The following NAALADL2 variants were observed in gnomAD, a reference collection of about 807,000 sequenced individuals.
NAALADL2 encodes the protein N-acetylated alpha-linked acidic dipeptidase like 2.
A neutral mutation model predicts 87.2 loss-of-function variants in NAALADL2; 76 were observed. The ratio of observed to expected loss-of-function variants is 0.87; its 90% CI spans 0.72 to 1.05. The LOEUF (loss-of-function observed/expected upper bound fraction) is 1.05, where lower values mean the gene tolerates loss of function less well. Ranked by LOEUF, NAALADL2 falls within the 50% of genes least tolerant of loss-of-function variation. The probability of loss-of-function intolerance (pLI) is 0.00; values close to 1 mark genes in which losing one functional copy is unlikely to be tolerated. For synonymous variants in NAALADL2, 354 were observed against 331.0 expected (o/e 1.07, Z -0.75); for missense variants, 1,089 against 945.8 (o/e 1.15, Z -1.99).
intron 2 of NAALADL2, among the ~76,000 whole-genome samples, chr3:174,692,422 A>AT (rs1728661195): frequency 1.3e-5 from 2 of 152,210 alleles, no homozygotes. Context: ...GATTTAGTAG[A>AT]TTTTTTAAAA....
At chr3:174,471,602 A>G (rs1716911547) in intron 1 of NAALADL2, among the ~76,000 whole-genome samples, 1 of 151,996 alleles carries the variant, frequency 6.6e-6, no homozygotes, top group Non-Finnish European at 1.5e-5. Context: ...ATTAATTGGT[A>G]TGCATAGTGG....
intron 2 of NAALADL2, among the ~76,000 whole-genome samples, chr3:175,162,342 TTG>T (rs1236691227): frequency 2.0e-5 from 3 of 152,134 alleles, no homozygotes; most frequent in African/African-American, 7.2e-5. Context: ...CTGCAATAGA[TTG>T]TGTTGTCTAC....
At chr3:175,556,899 C>G (rs1363676184) in intron 9 of NAALADL2, among the ~76,000 whole-genome samples, 1 of 152,170 alleles carries the variant, frequency 6.6e-6, no homozygotes, top group Non-Finnish European at 1.5e-5. Context: ...TCTTACTGCT[C>G]TCTGCACAGC....
At chr3:175,430,958 T>C (rs1717651640) in intron 5 of NAALADL2, among the ~76,000 whole-genome samples, 1 of 152,220 alleles carries the variant, frequency 6.6e-6, no homozygotes, top group South Asian at 2.1e-4. Flanking sequence ...TAGCATCTCA[T>C]TGATATTTTT....
chr3:174,666,900 T>C (rs1479888262), intron 2 of NAALADL2, among the ~76,000 whole-genome samples: 1 of 152,182 alleles, frequency 6.6e-6, no homozygotes, highest in Non-Finnish European at 1.5e-5. Context: ...TTTGACTATA[T>C]TGGGCAGTTT....
At chr3:175,127,960 T>C (rs1047413102) in intron 2 of NAALADL2, among the ~76,000 whole-genome samples, 6 of 152,206 alleles carry the variant, frequency 3.9e-5, no homozygotes, top group Non-Finnish European at 5.9e-5. Flanking sequence ...TTATAGTTCA[T>C]TGATTTCAAT....
chr3:175,750,830 C>A (rs187140290), intron 12 of NAALADL2, among the ~76,000 whole-genome samples: 1 of 152,094 alleles, frequency 6.6e-6, no homozygotes, highest in Non-Finnish European at 1.5e-5. Context: ...ACATTTCTAA[C>A]TAGATCAGGA....
At chr3:174,571,135 G>T (rs1714866610) in intron 2 of NAALADL2, among the ~76,000 whole-genome samples, 1 of 152,060 alleles carries the variant, frequency 6.6e-6, no homozygotes, top group East Asian at 1.9e-4. Context: ...GAATAGCAAG[G>T]AACTATACAA....
intron 1 of NAALADL2, among the ~76,000 whole-genome samples, chr3:174,990,629 G>C (rs1327719082): frequency 6.6e-6 from 1 of 152,050 alleles, no homozygotes; most frequent in East Asian, 1.9e-4. Flanking sequence ...AAAAAAAGCT[G>C]GGTCGTACAT....
chr3:175,042,231 T>C (rs550918559), intron 1 of NAALADL2, among the ~76,000 whole-genome samples: 2 of 152,336 alleles, frequency 1.3e-5, no homozygotes, highest in South Asian at 4.1e-4. Flanking sequence ...TCATTTATGT[T>C]ATCACAAATG....
At chr3:174,799,412 T>C (rs1433375753) in intron 3 of NAALADL2, among the ~76,000 whole-genome samples, 1 of 152,084 alleles carries the variant, frequency 6.6e-6, no homozygotes, top group Admixed American at 6.6e-5. Context: ...GTTCTCATCA[T>C]AGTGAATAAG....
At chr3:174,572,891 A>T (rs2108539405) in intron 2 of NAALADL2, among the ~76,000 whole-genome samples, 1 of 152,318 alleles carries the variant, frequency 6.6e-6, no homozygotes, top group Middle Eastern at 3.4e-3. Context: ...AAATCTTTAA[A>T]ACAACTCTAT....
At chr3:175,567,686 C>T (rs1307989953) in intron 9 of NAALADL2, among the ~76,000 whole-genome samples, 1 of 151,166 alleles carries the variant, frequency 6.6e-6, no homozygotes, top group Non-Finnish European at 1.5e-5. Flanking sequence ...TTGAAAACCC[C>T]ATATTATGGG....
intron 5 of NAALADL2, chr3:175,369,690 G>A (rs1323035339): frequency 6.6e-6 from 1 of 152,178 alleles, no homozygotes. Flanking sequence ...GCTTGGAACT[G>A]GTACAATGAA....
intron 10 of NAALADL2, among the ~76,000 whole-genome samples, chr3:175,602,675 T>C (rs1723139077): frequency 6.6e-6 from 1 of 152,122 alleles, no homozygotes; most frequent in Non-Finnish European, 1.5e-5. Context: ...AATAGCAAAG[T>C]TAAAGGGTTT....
chr3:174,608,718 G>A lies in NAALADL2; in HGVS notation c.-115+58081G>A, dbSNP rs549869736. ...TCCAGGACCAGATGGATTCACAGCC[G>A]AATTCTACCAGAGGTACAAGGAGGA... is the stretch of plus-strand genomic sequence containing the variant. On this transcript the variant is annotated intron_variant, in intron 2 of 3. Coordinates refer to the NAALADL2 transcript ENST00000434257. Among the ~76,000 whole-genome samples, 917 of 149,594 alleles carry A rather than the reference G, an allele frequency of 6.1e-3. 16 individuals are homozygous for A. The highest frequency in any genetic ancestry group is 0.021 in the African/African-American group (866 of 40,768).
At chr3:175,152,114 A>G (rs1006488446) in intron 2 of NAALADL2, among the ~76,000 whole-genome samples, 4 of 152,154 alleles carry the variant, frequency 2.6e-5, no homozygotes, top group African/African-American at 7.2e-5. Context: ...TTAATGGTTT[A>G]TAAGTAGGGT....
chr3:175,743,082 C>T (rs1231202007), intron 12 of NAALADL2, among the ~76,000 whole-genome samples: 1 of 151,820 alleles, frequency 6.6e-6, no homozygotes, highest in African/African-American at 2.4e-5. Context: ...CTCACTGCAA[C>T]CTCCTCCTCC....
At chr3:175,361,726 C>G (rs1765035961) in intron 5 of NAALADL2, among the ~76,000 whole-genome samples, 1 of 148,028 alleles carries the variant, frequency 6.8e-6, no homozygotes, top group African/African-American at 2.5e-5. Flanking sequence ...TTGATTTTTT[C>G]TTGTAAATTT....
Sources: gnomAD v4.1 joint callset for allele counts (sites outside exome capture counted in the v4.1 genomes callset) on GRCh38, gnomAD v4.1.1 for gene constraint, MANE v1.5 for transcripts, NCBI Gene and HGNC (gene_info 2026-07-23, HGNC 2026-07-21) for gene names.